ROR2: variants seen among roughly 807,000 people sequenced by gnomAD.
ROR2 encodes the protein ROR family WNT receptor 2, also known as tyrosine-protein kinase transmembrane receptor ROR2.
A neutral mutation model predicts 74.9 loss-of-function variants in ROR2; 33 were observed. The observed-to-expected ratio is 0.44, with a 90% CI of 0.33 to 0.59. The LOEUF is 0.59. Ranked by LOEUF, ROR2 falls within the 20% of genes least tolerant of loss-of-function variation. The pLI is 0.02. For missense variants in ROR2, 1,216 were observed against 1,313.8 expected, an observed-to-expected ratio of 0.93 and a Z score of 1.15; for synonymous variants, 586 against 558.7, an observed-to-expected ratio of 1.05 and a Z score of -0.69.
rs532446066 is a variant in ROR2 at position 91,911,480 on chromosome 9, T to C, written c.97+38387A>G. 3.3e-5 allele frequency among the ~76,000 whole-genome samples: 5 copies of C among 151,592 alleles called. No individual in the cohort carries two copies. In the East Asian group the frequency reaches 9.7e-4, roughly 29 times the overall value. On this transcript the variant is annotated intron_variant, in intron 1 of 8. Transcript: ENST00000375708. ...AATCGTATGAGACCACCATTGTATA[T>C]GTGGTCTGCTGTTGACCGAAACATT...
intron 1 of ROR2, among the ~76,000 whole-genome samples, chr9:91,922,137 C>A (rs1432782037): frequency 6.6e-6 from 1 of 151,500 alleles, no homozygotes; most frequent in African/African-American, 2.4e-5. Context: ...ACAACAACAA[C>A]AAAAACAGAA....
chr9:91,874,809 C>A (rs1034759952), intron 1 of ROR2, among the ~76,000 whole-genome samples: 1 of 152,108 alleles, frequency 6.6e-6, no homozygotes, highest in Non-Finnish European at 1.5e-5. Context: ...GTGGCGAATG[C>A]CTGTAATCCC....
chr9:91,851,748 G>A (rs567686221), intron 1 of ROR2, among the ~76,000 whole-genome samples: 10 of 152,008 alleles, frequency 6.6e-5, no homozygotes, highest in Non-Finnish European at 1.2e-4. Flanking sequence ...AGGCCGAAGC[G>A]GGCAGATCAT....
intron 1 of ROR2, among the ~76,000 whole-genome samples, chr9:91,932,744 T>C (rs1437395571): frequency 2.0e-5 from 3 of 152,032 alleles, no homozygotes; most frequent in Non-Finnish European, 4.4e-5. Flanking sequence ...GCTAGAAAAT[T>C]AGTAGAGAAA....
At position 91,836,958 on chromosome 9, in the gene ROR2, G is replaced by A. The variant is rs545844706; in HGVS notation, c.98-61140C>T. ...AGCTTTGGTCAATGGTATATACCAT[G>A]TTTTTCTAGAGGAAAGAAATTACAG... On this transcript the variant is annotated intron_variant, in intron 1 of 8. Coordinates refer to ENST00000375708, the MANE Select transcript of ROR2 (RefSeq NM_004560.4). Among the ~76,000 whole-genome samples the A allele has an allele frequency of 2.0e-5, 3 of 152,274 alleles. 1 individual carries two copies. Among genetic ancestry groups the A allele is most frequent in the African/African-American group, 7.2e-5 (3 of 41,536 alleles).
At chr9:91,810,316 C>T (rs1359226331) in intron 1 of ROR2, among the ~76,000 whole-genome samples, 1 of 152,210 alleles carries the variant, frequency 6.6e-6, no homozygotes, top group Non-Finnish European at 1.5e-5. Context: ...CTCAAGCACT[C>T]AGGTGAGAGA....
intron 1 of ROR2, among the ~76,000 whole-genome samples, chr9:91,880,455 G>A (rs1177308913): frequency 2.0e-5 from 3 of 152,194 alleles, no homozygotes; most frequent in Non-Finnish European, 2.9e-5. Context: ...ATAACCCACT[G>A]GATAAAACAG....
Position 91,887,788 on chromosome 9 carries a change from C to CTTTTTTTTTTT in ROR2, c.97+62068_97+62078dup, listed in dbSNP as rs771557997. Among the ~76,000 whole-genome samples, 29 of 100,676 alleles carry CTTTTTTTTTTT rather than the reference C, an allele frequency of 2.9e-4. 2 individuals carry two copies. Among genetic ancestry groups the CTTTTTTTTTTT allele is most frequent in the South Asian group, 1.0e-3 (3 of 2,904 alleles). 66.0% of individuals were successfully genotyped at this position (100,676 alleles called of 152,430 possible). On this transcript the variant is annotated intron_variant, in intron 1 of 8. Coordinates refer to ENST00000375708, the MANE Select transcript of ROR2 (RefSeq NM_004560.4). The stretch of plus-strand genomic sequence containing the variant: ...CTTCTCTCCATAACACTTTTTTTCT[C>CTTTTTTTTTTT]TTTTTTTTTTTTTTTTTTTTTGAGA...
At chr9:91,773,177 G>GC (rs1162112218) in intron 2 of ROR2, among the ~76,000 whole-genome samples, 1 of 152,142 alleles carries the variant, frequency 6.6e-6, no homozygotes, top group East Asian at 1.9e-4. Context: ...CCACAAGGAA[G>GC]CCCCCGGGTG....
At chr9:91,879,028 C>A (rs1449490077) in intron 1 of ROR2, among the ~76,000 whole-genome samples, 1 of 150,974 alleles carries the variant, frequency 6.6e-6, no homozygotes, top group Non-Finnish European at 1.5e-5. Flanking sequence ...GGCGACAGAG[C>A]GAGACTCCAT....
At chr9:91,948,621 G>C in intron 1 of ROR2, 2 of 985,472 alleles carry the variant, frequency 2.0e-6, no homozygotes, top group Non-Finnish European at 2.4e-6. Flanking sequence ...GGCCGGCTAG[G>C]GCGGCAGGCC....
chr9:91,866,801 T>C (rs1829647930), intron 1 of ROR2, among the ~76,000 whole-genome samples: 1 of 152,152 alleles, frequency 6.6e-6, no homozygotes, highest in Non-Finnish European at 1.5e-5. Flanking sequence ...CATACGCAGA[T>C]ACAGAATATT....
At chr9:91,799,688 C>T (rs1827309275) in intron 1 of ROR2, among the ~76,000 whole-genome samples, 1 of 152,240 alleles carries the variant, frequency 6.6e-6, no homozygotes, top group South Asian at 2.1e-4. Context: ...CTCCAGCTTA[C>T]TGAACTGTGT....
At position 91,724,262 on chromosome 9, in the gene ROR2, G is replaced by C; in HGVS notation, c.2232C>G (p.Ser744Arg). The C allele has an allele frequency of 6.2e-7, 1 of 1,613,460 alleles. No individual in the cohort carries two copies. Among genetic ancestry groups the C allele is most frequent in the Non-Finnish European group, 8.5e-7 (1 of 1,180,022 alleles). ...AAAGGTTGCCCCAGGCTCGGAGCCGGCTGTGGATGTCCTTGAAGCGGGGCC... is the reference window on the plus strand; with the variant it reads ...AAAGGTTGCCCCAGGCTCGGAGCCGCCTGTGGATGTCCTTGAAGCGGGGCC... ...SRRPRFKDIH[S>R]RLRAWGNLSN... is the part of the protein sequence containing the mutation. The change falls in exon 9 of 9, where the codon AGC becomes AGG. Residue 744 changes from serine (S) to arginine (R), a missense_variant. Coordinates refer to ENST00000375708, the MANE Select transcript of ROR2 (RefSeq NM_004560.4).
At chr9:91,742,302 G>A (rs2118761565) in intron 4 of ROR2, among the ~76,000 whole-genome samples, 1 of 152,268 alleles carries the variant, frequency 6.6e-6, no homozygotes, top group South Asian at 2.1e-4. Context: ...ACATGTGGGT[G>A]ATTCAATTAC....
At chr9:91,942,486 A>G (rs1269321653) in intron 1 of ROR2, among the ~76,000 whole-genome samples, 1 of 152,136 alleles carries the variant, frequency 6.6e-6, no homozygotes, top group Admixed American at 6.5e-5. Context: ...CAATCCGTAC[A>G]GTTATTGCTG....
At chr9:91,726,484 C>A in intron 8 of ROR2, 57 bp downstream of exon 8, 1 of 1,469,076 alleles carries the variant, frequency 6.8e-7, no homozygotes, top group East Asian at 2.3e-5. Context: ...GGGGAAACAA[C>A]CCCTGAGGAT....
intron 1 of ROR2, among the ~76,000 whole-genome samples, chr9:91,832,417 G>A (rs373932141): frequency 4.2e-5 from 6 of 144,000 alleles, no homozygotes; most frequent in East Asian, 4.4e-4. Context: ...TACCCATGAC[G>A]GCCAGGGTCC....
chr9:91,841,649 G>A (rs1485914914), intron 1 of ROR2, among the ~76,000 whole-genome samples: 1 of 152,158 alleles, frequency 6.6e-6, no homozygotes, highest in Non-Finnish European at 1.5e-5. Flanking sequence ...CAGCCCGGTG[G>A]GCTCCTGAGC....
Sources: allele counts gnomAD v4.1 joint callset (sites outside exome capture counted in the v4.1 genomes callset), GRCh38; gene constraint gnomAD v4.1.1; transcripts MANE v1.5; gene names NCBI Gene and HGNC (gene_info 2026-07-23, HGNC 2026-07-21).